The following SH3GL3 variants were observed in gnomAD, a reference collection of about 807,000 sequenced individuals.
The protein encoded by SH3GL3 is endophilin-A3.
Under a neutral mutation model 47.7 loss-of-function variants are expected in SH3GL3, and 33 were observed. The ratio of observed to expected loss-of-function variants is 0.69; its 90% confidence interval spans 0.52 to 0.92. SH3GL3 has a LOEUF of 0.92. Among genes scored for constraint, SH3GL3 ranks in the 40% least tolerant of loss-of-function variants. SH3GL3 has a pLI of 0.00. For missense variants in SH3GL3, 363 were observed against 417.8 expected (o/e 0.87, Z 1.14); for synonymous variants, 155 against 148.8 (o/e 1.04, Z -0.30).
At chr15:83,584,712 G>A (rs573267642) in intron 6 of SH3GL3, among the ~76,000 whole-genome samples, 34 of 152,286 alleles carry the variant, frequency 2.2e-4, no homozygotes, top group Non-Finnish European at 3.4e-4. Flanking sequence ...GTTCCTTGGC[G>A]TATATCACGT....
intron 1 of SH3GL3, among the ~76,000 whole-genome samples, chr15:83,496,829 T>G (rs1022018846): frequency 6.6e-6 from 1 of 152,134 alleles, no homozygotes; most frequent in Non-Finnish European, 1.5e-5. Context: ...GGAGGAAAGT[T>G]CCACTCAACT....
intron 1 of SH3GL3, among the ~76,000 whole-genome samples, chr15:83,478,078 G>A (rs1358714614): frequency 6.6e-6 from 1 of 152,074 alleles, no homozygotes; most frequent in African/African-American, 2.4e-5. Flanking sequence ...GGGTCCCAGG[G>A]AATGAACAGA....
the SH3GL3 span, among the ~76,000 whole-genome samples, chr15:83,626,458 A>T: frequency 1.3e-5 from 2 of 152,186 alleles, no homozygotes; most frequent in Admixed American, 6.5e-5. Flanking sequence ...ATGACTGGGT[A>T]GGTAAGTCTG....
At chr15:83,621,439 G>A (rs182602534), downstream of SH3GL3, among the ~76,000 whole-genome samples, 33 of 152,274 alleles carry the variant, frequency 2.2e-4, no homozygotes, top group African/African-American at 7.7e-4. Flanking sequence ...GGGGGGAATG[G>A]CCAGGCAGTG....
chr15:83,483,617 C>A (rs1279412058), intron 1 of SH3GL3, among the ~76,000 whole-genome samples: 3 of 152,118 alleles, frequency 2.0e-5, no homozygotes. Flanking sequence ...ATGGATGCAG[C>A]AAGGGGAAAT....
intron 1 of SH3GL3, among the ~76,000 whole-genome samples, chr15:83,450,339 T>G (rs1472105988): frequency 6.6e-6 from 1 of 152,202 alleles, no homozygotes; most frequent in Non-Finnish European, 1.5e-5. Context: ...TACATCTCAG[T>G]GCTGAAATTC....
chr15:83,608,749 C>G (rs551437908), intron 8 of SH3GL3, among the ~76,000 whole-genome samples: 121 of 145,698 alleles, frequency 8.3e-4, no homozygotes, highest in African/African-American at 3.0e-3. Context: ...GCCCCCCACT[C>G]CCCCCGCCCG....
At position 83,565,174 on chromosome 15, in the gene SH3GL3, CA is replaced by C; in HGVS notation, c.160del (p.Thr54ProfsTer15). On this transcript the variant is annotated frameshift_variant, in exon 3 of 9. Transcript: ENST00000427482. LOFTEE classifies it high-confidence loss of function. ...AATAAAGTTGTTGCAGAAATTCTTT[CA>C]AAAACCACTGAATATCTTCAGCCAA... ...VTNKVVAEILSKTTEYLQPNP... is the reference protein window; with the variant it reads ...VTNKVVAEILXKTTEYLQPNP... The C allele has an allele frequency of 6.3e-7, 1 of 1,582,662 alleles. No individual in the cohort carries two copies. The highest frequency in any genetic ancestry group is 8.6e-7 in the Non-Finnish European group (1 of 1,156,782).
At chr15:83,605,934 G>A (rs79421824) in intron 8 of SH3GL3, among the ~76,000 whole-genome samples, 20,922 of 152,098 alleles carry the variant, frequency 0.14, 1,913 homozygotes, top group South Asian at 0.25. Flanking sequence ...CCATGCTCAA[G>A]TATCTTCCCC....
chr15:83,621,869 G>C (rs1196394177), downstream of SH3GL3, among the ~76,000 whole-genome samples: 1 of 152,124 alleles, frequency 6.6e-6, no homozygotes, highest in Non-Finnish European at 1.5e-5. Flanking sequence ...ACAAATGCCC[G>C]GAAGCCAGAC....
intron 2 of SH3GL3, among the ~76,000 whole-genome samples, chr15:83,559,856 T>C (rs981838410): frequency 5.9e-5 from 9 of 152,200 alleles, no homozygotes; most frequent in African/African-American, 2.2e-4. Context: ...GCCCTGCTTG[T>C]CTCACATGGA....
rs1038251643 is a variant in SH3GL3, at chr15:83,566,379, T to A, written c.187+1173T>A. ...GAGAGAGAGAGAGTGTGTGTGTGTG[T>A]GTGTGTGTGTGTGTGTGTGTGTGTG... On this transcript the variant is annotated intron_variant, in intron 3 of 8. Transcript: ENST00000427482. 1.3e-3 allele frequency among the ~76,000 whole-genome samples: 187 copies of A among 148,674 alleles called. 2 individuals are homozygous for A. Among genetic ancestry groups the A allele is most frequent in the Middle Eastern group, 3.5e-3 (1 of 286 alleles).
intron 1 of SH3GL3, chr15:83,487,952 T>C (rs2041689020): frequency 6.6e-6 from 1 of 151,368 alleles, no homozygotes; most frequent in Non-Finnish European, 1.5e-5. Context: ...CTCAGCTCAC[T>C]GCAACCTTCG....
rs187282806 is a variant in SH3GL3 at position 83,539,136 on chromosome 15, T to C, written c.46-20117T>C. Among the ~76,000 whole-genome samples, 363 of 152,338 alleles carry C rather than the reference T, an allele frequency of 2.4e-3. 10 individuals are homozygous for C. The highest frequency in any genetic ancestry group is 0.019 in the Admixed American group (286 of 15,302). On this transcript the variant is annotated intron_variant, in intron 1 of 8. Transcript: ENST00000427482. Reference sequence around the variant, plus strand: ...ATAATTAGGTGAAAACATTTTCTTATGCTTATTGGCCATTTGGATTATTGT... The same window carrying C: ...ATAATTAGGTGAAAACATTTTCTTACGCTTATTGGCCATTTGGATTATTGT...
chr15:83,459,217 G>A (rs535547667), intron 1 of SH3GL3, among the ~76,000 whole-genome samples: 3 of 152,312 alleles, frequency 2.0e-5, no homozygotes, highest in South Asian at 4.1e-4. Context: ...CTGCGCTGTC[G>A]GCTGATTAGA....
intron 1 of SH3GL3, among the ~76,000 whole-genome samples, chr15:83,537,621 A>G (rs984918967): frequency 5.9e-5 from 9 of 152,100 alleles, no homozygotes; most frequent in Non-Finnish European, 1.5e-5. Flanking sequence ...TTTCCACCAT[A>G]CAGTTATTTT....
At chr15:83,621,373 G>T (rs1167363571), downstream of SH3GL3, among the ~76,000 whole-genome samples, 3 of 152,078 alleles carry the variant, frequency 2.0e-5, no homozygotes, top group Non-Finnish European at 4.4e-5. Context: ...CCATTGTAGG[G>T]TTACTAATTG....
intron 1 of SH3GL3, among the ~76,000 whole-genome samples, chr15:83,499,576 A>G (rs1033080041): frequency 1.3e-5 from 2 of 152,172 alleles, no homozygotes; most frequent in African/African-American, 4.8e-5. Flanking sequence ...CAGAGATCCA[A>G]ATCTGATCAA....
At chr15:83,543,316 C>G (rs2044251383) in intron 1 of SH3GL3, among the ~76,000 whole-genome samples, 1 of 152,008 alleles carries the variant, frequency 6.6e-6, no homozygotes, top group East Asian at 1.9e-4. Context: ...TCTTGCATTC[C>G]TGGGTTGAAT....
Sources: allele counts gnomAD v4.1 joint callset (sites outside exome capture counted in the v4.1 genomes callset), GRCh38; gene constraint gnomAD v4.1.1; transcripts MANE v1.5; gene names NCBI Gene and HGNC (gene_info 2026-07-23, HGNC 2026-07-21).